Variants in DDX52 observed in about 807,000 individuals in gnomAD.
The protein encoded by DDX52 is probable ATP-dependent RNA helicase DDX52.
In DDX52, 59 loss-of-function variants were observed where a neutral mutation model predicts 76.1. The observed-to-expected ratio is 0.78, with a 90% CI of 0.63 to 0.96. The LOEUF (loss-of-function observed/expected upper bound fraction) is 0.96. DDX52 is among the 40% of genes least tolerant of loss of function. The probability of loss-of-function intolerance (pLI) is 0.00; values close to 1 mark genes in which losing one functional copy is unlikely to be tolerated. For synonymous variants in DDX52, 231 were observed against 244.1 expected (o/e 0.95, Z 0.50); for missense variants, 707 against 703.9 (o/e 1.00, Z -0.05).
chr17:37,643,435 C>G lies in DDX52; in HGVS notation c.-15G>C. ...TGGACGTCCATCTTTACCCAGAAAGCGCCACAGTTCTACGGCGCCTGCGCA... is the reference window on the plus strand; with the variant it reads ...TGGACGTCCATCTTTACCCAGAAAGGGCCACAGTTCTACGGCGCCTGCGCA... On this transcript the variant is annotated 5_prime_UTR_variant, in exon 1 of 15. Transcript: ENST00000617633. 6.2e-7 allele frequency: 1 copy of G among 1,613,304 alleles called. No homozygotes were observed. The highest frequency in any genetic ancestry group is 8.5e-7 in the Non-Finnish European group (1 of 1,179,718).
intron 14 of DDX52, 141 bp from the exon 15 acceptor site, chr17:37,614,494 T>C (rs2064402436): frequency 1.3e-6 from 1 of 754,716 alleles, no homozygotes; most frequent in East Asian, 2.7e-5. Flanking sequence ...AAAGATGCAT[T>C]AGACATGGTC....
intron 9 of DDX52, among the ~76,000 whole-genome samples, chr17:37,623,729 C>G (rs2030219334): frequency 6.6e-6 from 1 of 152,186 alleles, no homozygotes; most frequent in African/African-American, 2.4e-5. Context: ...CCCATTATGA[C>G]TATATGGATG....
At chr17:37,637,315 G>A (rs1334349885) in intron 2 of DDX52, among the ~76,000 whole-genome samples, 1 of 151,686 alleles carries the variant, frequency 6.6e-6, no homozygotes, top group South Asian at 2.1e-4. Flanking sequence ...ATTTTTAGTA[G>A]AGACGGGGTT....
At chr17:37,632,336 C>G in intron 3 of DDX52, 38 bp from the exon 4 acceptor site, 1 of 1,597,054 alleles carries the variant, frequency 6.3e-7, no homozygotes, top group Non-Finnish European at 8.6e-7. Flanking sequence ...TGGATATGGC[C>G]AAATAAATAC....
intron 4 of DDX52, chr17:37,631,487 A>T (rs2030679359): frequency 6.5e-6 from 1 of 152,822 alleles, no homozygotes; most frequent in Middle Eastern, 3.4e-3. Flanking sequence ...GACTGAATGG[A>T]AAGGGCACAA....
intron 14 of DDX52, among the ~76,000 whole-genome samples, chr17:37,615,484 C>T (rs1370372649): frequency 2.0e-5 from 3 of 152,022 alleles, no homozygotes; most frequent in African/African-American, 7.3e-5. Context: ...TTGAGACCAG[C>T]CTGGGCAATA....
intron 14 of DDX52, among the ~76,000 whole-genome samples, chr17:37,618,020 C>A (rs563141977): frequency 6.6e-6 from 1 of 152,078 alleles, no homozygotes; most frequent in South Asian, 2.1e-4. Flanking sequence ...GATGATGAAG[C>A]AGTAGAATGG....
rs748701045 is a variant in DDX52 at position 37,642,170 on chromosome 17, CTTCTT to C, written c.221_225del (p.Lys74ArgfsTer5). 55 of 1,613,980 alleles carry C rather than the reference CTTCTT, an allele frequency of 3.4e-5. No homozygotes were observed. The African/African-American group carries it at 6.9e-4, about 20-fold the overall frequency. ...TCCCTCTTCCTTTCAGTTAGGCTCT[CTTCTT>C]TTTTCTCTCCATTTTGGGGCTTCTG... On this transcript the variant is annotated frameshift_variant, in exon 2 of 15. Transcript: ENST00000617633. LOFTEE classifies it high-confidence loss of function.
chr17:37,636,770 A>G (rs2030948725), intron 2 of DDX52, among the ~76,000 whole-genome samples: 1 of 152,204 alleles, frequency 6.6e-6, no homozygotes, highest in Non-Finnish European at 1.5e-5. Flanking sequence ...GATAATATTG[A>G]AGATGGAAGT....
At chr17:37,639,335 G>A (rs1031095687) in intron 2 of DDX52, 36 of 955,644 alleles carry the variant, frequency 3.8e-5, no homozygotes, top group African/African-American at 2.1e-4. Context: ...GGAAGGCATC[G>A]CAAAGTAGAA....
At chr17:37,625,221 G>A (rs2030304395) in intron 8 of DDX52, among the ~76,000 whole-genome samples, 1 of 152,050 alleles carries the variant, frequency 6.6e-6, no homozygotes, top group African/African-American at 2.4e-5. Context: ...TCGAACTCCT[G>A]ACCTCAGGCG....
chr17:37,622,511 G>T (rs2147343308), intron 9 of DDX52, among the ~76,000 whole-genome samples: 1 of 151,812 alleles, frequency 6.6e-6, no homozygotes, highest in East Asian at 1.9e-4. Context: ...GGTCAGGCTG[G>T]TCTCGAACTG....
chr17:37,639,463 C>T (rs1469686865), intron 2 of DDX52: 4 of 996,400 alleles, frequency 4.0e-6, no homozygotes, highest in Non-Finnish European at 4.8e-6. Context: ...CCTGGCTGGG[C>T]GTGGTGGCTC....
At chr17:37,627,070 T>C (rs1489771418) in intron 6 of DDX52, among the ~76,000 whole-genome samples, 1 of 152,208 alleles carries the variant, frequency 6.6e-6, no homozygotes, top group African/African-American at 2.4e-5. Flanking sequence ...TCACCCAGCC[T>C]GGATGGAGTA....
At chr17:37,619,182 C>A (rs1170783793) in intron 13 of DDX52, among the ~76,000 whole-genome samples, 1 of 151,864 alleles carries the variant, frequency 6.6e-6, no homozygotes. Context: ...AGTTTGAGAC[C>A]AGCCTGGCCA....
chr17:37,621,570 G>A, intron 9 of DDX52, 50 bp from the exon 10 acceptor site: 2 of 1,554,722 alleles, frequency 1.3e-6, no homozygotes, highest in Non-Finnish European at 1.7e-6. Flanking sequence ...GAATACAATT[G>A]GTCATTATTT....
At chr17:37,627,254 G>A (rs1486965219) in intron 6 of DDX52, among the ~76,000 whole-genome samples, 1 of 152,128 alleles carries the variant, frequency 6.6e-6, no homozygotes, top group African/African-American at 2.4e-5. Flanking sequence ...CCAGGCTGGA[G>A]TGCAGTGGCA....
chr17:37,634,624 C>G (rs1454117231), intron 2 of DDX52, among the ~76,000 whole-genome samples: 2 of 151,884 alleles, frequency 1.3e-5, no homozygotes, highest in East Asian at 4.0e-4. Context: ...GAGCAAGACT[C>G]TGTCTCTAAA....
rs994020149 is a variant in DDX52 at position 37,610,669 on chromosome 17, C to T, written c.*3627G>A. ...CAGTATCCTTAGGAGTTACAATTGG[C>T]ATCTTACAGATGAGAAAATCAAGGT... On this transcript the variant is annotated 3_prime_UTR_variant, in exon 15 of 15. Coordinates refer to ENST00000617633, the MANE Select transcript of DDX52 (RefSeq NM_007010.5). The T allele has an allele frequency of 6.6e-6, 1 of 152,138 alleles. No homozygotes were observed. The highest frequency in any genetic ancestry group is 2.4e-5 in the African/African-American group (1 of 41,424). The allele number at this position is 152,138 out of a possible 1,614,324, so 9.4% of individuals were successfully genotyped here. A position where few individuals can be genotyped will look rare whatever the true frequency, so the allele number is the denominator to read the frequency against.
Sources: allele counts gnomAD v4.1 joint callset (sites outside exome capture counted in the v4.1 genomes callset), GRCh38; gene constraint gnomAD v4.1.1; transcripts MANE v1.5; gene names NCBI Gene and HGNC (gene_info 2026-07-23, HGNC 2026-07-21).